PABIR3: variants seen among roughly 807,000 people sequenced by gnomAD.
PABIR3 encodes PABIR family member 3.
Under a neutral mutation model 23.1 loss-of-function variants are expected in PABIR3, and 20 were observed. That is an observed-to-expected ratio of 0.86 (90% CI 0.61 to 1.26). PABIR3 has a LOEUF of 1.26. Ranked by LOEUF, PABIR3 falls within the 50% of genes most tolerant of loss-of-function variation. The pLI is 0.00. For synonymous variants in PABIR3, 69 were observed against 68.5 expected, an observed-to-expected ratio of 1.01 and a Z score of -0.04; for missense variants, 189 against 195.4, an observed-to-expected ratio of 0.97 and a Z score of 0.20.
chrX:134,828,047 C>CTCTCTCTCTATATATATATATA (rs1466733144), intron 3 of PABIR3, among the ~76,000 whole-genome samples: 1 of 49,420 alleles, frequency 2.0e-5, no homozygotes, highest in African/African-American at 8.2e-5. Context: ...CTCTCTCTCT[C>CTCTCTCTCTATATATATATATA]TATATATATA....
At chrX:134,859,833 C>CA (rs201366982), downstream of PABIR3, among the ~76,000 whole-genome samples, 117 of 112,046 alleles carry the variant, frequency 1.0e-3, no homozygotes, top group East Asian at 0.028. Context: ...TGAACACCAA[C>CA]AAAAACAGAC....
chrX:134,804,397 T>C (rs1412239593), upstream of PABIR3, among the ~76,000 whole-genome samples: 6 of 112,270 alleles, frequency 5.3e-5, no homozygotes, highest in Non-Finnish European at 9.4e-5. Context: ...ATGAGTCCTA[T>C]TTATATCTTT....
chrX:134,818,228 T>C (rs763411028), intron 3 of PABIR3, among the ~76,000 whole-genome samples: 6 of 111,880 alleles, frequency 5.4e-5, no homozygotes, highest in Non-Finnish European at 9.4e-5. Context: ...ATGTACTAGT[T>C]TGAAGCTCAG....
intron 2 of PABIR3, among the ~76,000 whole-genome samples, chrX:134,814,527 G>A (rs1323029099): frequency 1.8e-5 from 2 of 110,529 alleles, no homozygotes; most frequent in Admixed American, 9.7e-5. Context: ...GTGAAACCTC[G>A]TCTCTACTAA....
downstream of PABIR3, among the ~76,000 whole-genome samples, chrX:134,856,360 AT>A (rs945572676): frequency 9.1e-6 from 1 of 109,688 alleles, no homozygotes; most frequent in Non-Finnish European, 1.9e-5. Context: ...TAATTTTTGT[AT>A]TTTTAGTGGA....
chrX:134,797,649 G>T (rs958688662), intron 1 of PABIR3, among the ~76,000 whole-genome samples: 6 of 110,636 alleles, frequency 5.4e-5, no homozygotes, highest in African/African-American at 2.0e-4. Context: ...ATGACAGTTC[G>T]TATAGCTAAT....
At chrX:134,797,655 C>A (rs768431420) in intron 1 of PABIR3, among the ~76,000 whole-genome samples, 25 of 110,996 alleles carry the variant, frequency 2.3e-4, no homozygotes, top group African/African-American at 6.6e-4. Flanking sequence ...GTTCGTATAG[C>A]TAATGAGAAA....
chrX:134,818,227 T>C (rs1386503472), intron 3 of PABIR3, among the ~76,000 whole-genome samples: 1 of 111,875 alleles, frequency 8.9e-6, no homozygotes, highest in African/African-American at 3.2e-5. Flanking sequence ...GATGTACTAG[T>C]TTGAAGCTCA....
rs1367676902 is a variant in PABIR3, at chrX:134,835,220, C to A, written c.246+5938C>A. 5 of 108,237 alleles carry A rather than the reference C, an allele frequency of 4.6e-5. No individual in the cohort carries two copies. In the East Asian group the frequency reaches 1.4e-3, roughly 31 times the overall value. 8.9% of individuals were successfully genotyped at this position (108,237 alleles called of 1,213,427 possible). A position where few individuals can be genotyped will look rare whatever the true frequency, so the allele number is the denominator to read the frequency against. ...GGATTACAGGCGCCCACCACCCCACCCAGCTAAATTTTTTTTTTTTTAAGT... is the reference window on the plus strand; with the variant it reads ...GGATTACAGGCGCCCACCACCCCACACAGCTAAATTTTTTTTTTTTTAAGT... On this transcript the variant is annotated intron_variant, in intron 4 of 10. Transcript: ENST00000645433.
chrX:134,805,321 G>T (rs1370122918), upstream of PABIR3, among the ~76,000 whole-genome samples: 2 of 111,557 alleles, frequency 1.8e-5, no homozygotes, highest in Non-Finnish European at 3.8e-5. Context: ...GACAGTACCT[G>T]GCACATAGTA....
chrX:134,815,189 C>T (rs2080906900), intron 3 of PABIR3, among the ~76,000 whole-genome samples: 3 of 102,820 alleles, frequency 2.9e-5, no homozygotes, highest in Admixed American at 2.1e-4. Flanking sequence ...TCTGGTTTCC[C>T]TTTTTTTTTT....
intron 3 of PABIR3, among the ~76,000 whole-genome samples, chrX:134,828,039 CTCTCTCTCTATA>C (rs1375512239): frequency 1.4e-5 from 1 of 73,442 alleles, no homozygotes; most frequent in African/African-American, 4.9e-5. Context: ...CTCTCTCTCT[CTCTCTCTCTATA>C]TATATATATA....
At chrX:134,810,072 A>G (rs747137404) in intron 2 of PABIR3, 1 of 752,674 alleles carries the variant, frequency 1.3e-6, no homozygotes, top group Non-Finnish European at 1.6e-6. Context: ...AGAAGAGAGC[A>G]GTAGGGAGAA....
At chrX:134,818,818 T>C (rs1303875908) in intron 3 of PABIR3, among the ~76,000 whole-genome samples, 1 of 111,435 alleles carries the variant, frequency 9.0e-6, no homozygotes, top group Non-Finnish European at 1.9e-5. Context: ...ATATGTGGGT[T>C]TTTTTAAATC....
chrX:134,807,285 G>C lies in PABIR3; in HGVS notation c.-116G>C, dbSNP rs1437150520. 12 of 925,358 alleles carry C rather than the reference G, an allele frequency of 1.3e-5. No individual in the cohort carries two copies. The highest frequency in any genetic ancestry group is 5.8e-5 in the Admixed American group (1 of 17,160). The allele number at this position is 925,358 out of a possible 1,213,427, so 76.3% of individuals were successfully genotyped here. ...TGAGTTGCCAGGGCTGAGAGAGATG[G>C]AGAAGGATTCGCGGCGGTGACAGAT... On this transcript the variant is annotated 5_prime_UTR_variant, in exon 1 of 11. Transcript: ENST00000645433.
At chrX:134,822,408 TTTG>T (rs2081330844) in intron 3 of PABIR3, 62 of 751,408 alleles carry the variant, frequency 8.3e-5, no homozygotes, top group Non-Finnish European at 9.7e-5. Context: ...CAATACAAGA[TTTG>T]ATCCACATTT....
chrX:134,847,359 G>T lies in PABIR3; in HGVS notation c.346-24G>T, dbSNP rs377638540. 5 of 1,143,969 alleles carry T rather than the reference G, an allele frequency of 4.4e-6. No individual in the cohort carries two copies. The African/African-American group carries it at 8.9e-5, about 20-fold the overall frequency. 94.3% of individuals were successfully genotyped at this position (1,143,969 alleles called of 1,213,427 possible). On this transcript the variant is annotated intron_variant, in intron 6 of 10. Transcript: ENST00000645433. The stretch of plus-strand genomic sequence containing the variant: ...TTAATAAGCAATTGGTGCTACAATT[G>T]TACACTGCTTTCTGCTTACACAGAA...
intron 4 of PABIR3, among the ~76,000 whole-genome samples, 168 bp from the exon 5 acceptor site, chrX:134,845,037 G>A: frequency 8.9e-6 from 1 of 112,116 alleles, no homozygotes; most frequent in Non-Finnish European, 1.9e-5. Flanking sequence ...GTGATAATTT[G>A]TGAAGCAATA....
At chrX:134,849,869 C>CTGTTTTTTTTTTTTTT (rs2082562914) in intron 9 of PABIR3, among the ~76,000 whole-genome samples, 1 of 58,856 alleles carries the variant, frequency 1.7e-5, no homozygotes. Flanking sequence ...GCTCTTCTTC[C>CTGTTTTTTTTTTTTTT]TTTTTTTTTT....
Sources: gnomAD v4.1 joint callset for allele counts (sites outside exome capture counted in the v4.1 genomes callset) on GRCh38, gnomAD v4.1.1 for gene constraint, MANE v1.5 for transcripts, NCBI Gene and HGNC (gene_info 2026-07-23, HGNC 2026-07-21) for gene names.